The following AGAP1 variants were observed in gnomAD, a reference collection of about 807,000 sequenced individuals.
AGAP1 encodes the protein arf-GAP with GTPase, ANK repeat and PH domain-containing protein 1.
A neutral mutation model predicts 105.3 loss-of-function variants in AGAP1; 29 were observed. The ratio of observed to expected loss-of-function variants is 0.28; its 90% CI spans 0.21 to 0.38. The LOEUF (loss-of-function observed/expected upper bound fraction) is 0.38, where lower values mean the gene tolerates loss of function less well. AGAP1 is among the 10% of genes least tolerant of loss of function. The pLI is 1.00. For synonymous variants in AGAP1, 509 were observed against 485.9 expected (o/e 1.05, Z -0.63); for missense variants, 998 against 1,165.1 (o/e 0.86, Z 2.09).
chr2:235,954,052 A>G (rs2053847129), intron 12 of AGAP1, among the ~76,000 whole-genome samples: 1 of 152,044 alleles, frequency 6.6e-6, no homozygotes, highest in South Asian at 2.1e-4. Context: ...CAACATGGAG[A>G]AACCTTGTTT....
Position 235,728,967 on chromosome 2 carries a change from C to T in AGAP1, c.310+11323C>T, listed in dbSNP as rs1016758570. Among the ~76,000 whole-genome samples the T allele has an allele frequency of 2.6e-5, 4 of 151,464 alleles. No homozygotes were observed. Among genetic ancestry groups the T allele is most frequent in the Admixed American group, 1.3e-4 (2 of 15,250 alleles). On this transcript the variant is annotated intron_variant, in intron 3 of 17. Transcript: ENST00000304032. This position sits in a 1 kb window ranked among gnomAD's most constrained non-coding sequence, Gnocchi z 4.3. The stretch of plus-strand genomic sequence containing the variant: ...CCACACCATCTGGCAGGGGACCAGG[C>T]CAGCTGCTGTGTGGGTCTTCCATGT...
In AGAP1 at chr2:235,494,101, G is replaced by C. The variant is rs1289509756; in HGVS notation, c.-586G>C. The C allele has an allele frequency of 2.1e-5, 3 of 145,816 alleles. No homozygotes were observed. Among genetic ancestry groups the C allele is most frequent in the Non-Finnish European group, 3.1e-5 (2 of 65,428 alleles). The allele number at this position is 145,816 out of a possible 1,614,324, so 9.0% of individuals were successfully genotyped here. On this transcript the variant is annotated 5_prime_UTR_variant, in exon 1 of 18. Transcript: ENST00000304032. The stretch of plus-strand genomic sequence containing the variant: ...GCAGGCGGCGGGCGGCGCTCGGAGC[G>C]GGCTCCGCGGCTTGCAAGGCGCCTG...
chr2:235,959,140 C>T lies in AGAP1; in HGVS notation c.1484-9322C>T, dbSNP rs1228954193. Among the ~76,000 whole-genome samples, 2 of 152,170 alleles carry T rather than the reference C, an allele frequency of 1.3e-5. No individual in the cohort carries two copies. Among genetic ancestry groups the T allele is most frequent in the African/African-American group, 4.8e-5 (2 of 41,446 alleles). ...TTTGGCATGGCTTTTTTCTCTTAGC[C>T]TCTCCCCTCCCATACTTAACGCCGT... On this transcript the variant is annotated intron_variant, in intron 12 of 17. Coordinates refer to ENST00000304032, the MANE Select transcript of AGAP1 (RefSeq NM_001037131.3). This position sits in a 1 kb window ranked among gnomAD's most constrained non-coding sequence, Gnocchi z 7.3.
chr2:235,721,477 A>ATGTGTG lies in AGAP1; in HGVS notation c.310+3855_310+3860dup, dbSNP rs57069910. On this transcript the variant is annotated intron_variant, in intron 3 of 17. Transcript: ENST00000304032. This position sits in a 1 kb window ranked among gnomAD's most constrained non-coding sequence, Gnocchi z 4.5. ...TTGGATTGACAGATTCCTTAATATT[A>ATGTGTG]TGTGTGTGTGTGTGTGTGTGTGTGT... Among the ~76,000 whole-genome samples the ATGTGTG allele has an allele frequency of 0.013, 1,891 of 149,724 alleles. 35 individuals carry two copies. The highest frequency in any genetic ancestry group is 0.036 in the African/African-American group (1,458 of 40,752).
chr2:235,761,776 T>C (rs1315846560), intron 6 of AGAP1, among the ~76,000 whole-genome samples: 6 of 149,470 alleles, frequency 4.0e-5, no homozygotes, highest in Non-Finnish European at 7.4e-5. Context: ...TGTTTTCCAG[T>C]TATTTTGAAG....
At position 235,569,244 on chromosome 2, in the gene AGAP1, G is replaced by A. The variant is rs1484072760; in HGVS notation, c.163+74395G>A. ...GCAGGAGAATCGCTTGAACCCAGGA[G>A]GCGGAGGTTGTAGTGACCCAAGATC... On this transcript the variant is annotated intron_variant, in intron 1 of 17. Coordinates refer to ENST00000304032, the MANE Select transcript of AGAP1 (RefSeq NM_001037131.3). The surrounding 1 kb of genome is among the most constrained non-coding windows in gnomAD (Gnocchi z 5.9). Among the ~76,000 whole-genome samples the A allele has an allele frequency of 6.6e-6, 1 of 152,190 alleles. No homozygotes were observed. The highest frequency in any genetic ancestry group is 1.5e-5 in the Non-Finnish European group (1 of 68,044).
chr2:235,884,125 A>T lies in AGAP1; in HGVS notation c.1155+676A>T, dbSNP rs7426112. Reference sequence around the variant, plus strand: ...TTGGGGTGTTCTAGTTTCATAGCAAACCATTCCATAACTCTTACTTGATGC... The same window carrying T: ...TTGGGGTGTTCTAGTTTCATAGCAATCCATTCCATAACTCTTACTTGATGC... On this transcript the variant is annotated intron_variant, in intron 10 of 17. Coordinates refer to ENST00000304032, the MANE Select transcript of AGAP1 (RefSeq NM_001037131.3). 1.3e-4 allele frequency among the ~76,000 whole-genome samples: 19 copies of T among 151,798 alleles called. No homozygotes were observed. The South Asian group carries it at 1.7e-3, about 13-fold the overall frequency.
intron 13 of AGAP1, among the ~76,000 whole-genome samples, chr2:236,022,543 T>G (rs1019214744): frequency 6.6e-6 from 1 of 152,174 alleles, no homozygotes; most frequent in Non-Finnish European, 1.5e-5. Context: ...GTCTTTGTCT[T>G]TTATTTTTGG....
Position 235,556,410 on chromosome 2 carries a change from G to T in AGAP1, c.163+61561G>T, listed in dbSNP as rs538748684. ...TGACCCCAAGGCCCAGGCCAGTCTC[G>T]TCCAGGCTGCCCACACCTAGGTCTT... On this transcript the variant is annotated intron_variant, in intron 1 of 17. Coordinates refer to ENST00000304032, the MANE Select transcript of AGAP1 (RefSeq NM_001037131.3). The surrounding 1 kb of genome is among the most constrained non-coding windows in gnomAD (Gnocchi z 5.3). Among the ~76,000 whole-genome samples the T allele has an allele frequency of 2.0e-5, 3 of 152,340 alleles. No individual in the cohort carries two copies. Among genetic ancestry groups the T allele is most frequent in the African/African-American group, 7.2e-5 (3 of 41,578 alleles).
At chr2:236,099,883 T>TA (rs1316835346) in intron 16 of AGAP1, among the ~76,000 whole-genome samples, 1 of 151,832 alleles carries the variant, frequency 6.6e-6, no homozygotes, top group Non-Finnish European at 1.5e-5. Context: ...CTACTAAAAA[T>TA]ACAAAAATTA....
At chr2:235,966,982 A>AT (rs945566596) in intron 12 of AGAP1, among the ~76,000 whole-genome samples, 2 of 152,162 alleles carry the variant, frequency 1.3e-5, no homozygotes, top group African/African-American at 4.8e-5. Flanking sequence ...TTTTCAATTC[A>AT]TTTTGATTTC....
chr2:235,686,554 T>TACACACACAC (rs1315334928), intron 1 of AGAP1, among the ~76,000 whole-genome samples: 10 of 51,352 alleles, frequency 1.9e-4, no homozygotes, highest in African/African-American at 6.3e-4. Context: ...GAGATATATA[T>TACACACACAC]ATACACACAC....
At position 235,705,271 on chromosome 2, in the gene AGAP1, G is replaced by A. The variant is rs984898226; in HGVS notation, c.164-3908G>A. 2.4e-4 allele frequency among the ~76,000 whole-genome samples: 37 copies of A among 152,168 alleles called. No homozygotes were observed. Among genetic ancestry groups the A allele is most frequent in the African/African-American group, 8.0e-4 (33 of 41,446 alleles). Reference sequence around the variant, plus strand: ...TGGGATTACAGGCGTGAGCCACCACGCCTGGCCCAGACACTTCTGAGAACG... The same window carrying A: ...TGGGATTACAGGCGTGAGCCACCACACCTGGCCCAGACACTTCTGAGAACG... On this transcript the variant is annotated intron_variant, in intron 1 of 17. Coordinates refer to ENST00000304032, the MANE Select transcript of AGAP1 (RefSeq NM_001037131.3). The surrounding 1 kb of genome is among the most constrained non-coding windows in gnomAD (Gnocchi z 4.9).
In AGAP1 at chr2:236,074,528, T is replaced by C. The variant is rs73996517; in HGVS notation, c.2114+25247T>C. Among the ~76,000 whole-genome samples the C allele has an allele frequency of 8.3e-3, 1,261 of 152,278 alleles. 15 individuals are homozygous for C. The highest frequency in any genetic ancestry group is 0.028 in the African/African-American group (1,173 of 41,552). ...CATTCTAAACATTGAAAGAGTCCAT[T>C]TGCTCTTACGAGATAATAGTCTCCA... On this transcript the variant is annotated intron_variant, in intron 16 of 17. Coordinates refer to ENST00000304032, the MANE Select transcript of AGAP1 (RefSeq NM_001037131.3).
Position 236,036,264 on chromosome 2 carries a change from A to C in AGAP1, c.1646-297A>C, listed in dbSNP as rs919108659. ...CCATGAGTTACATGGTTATTCTCCTAAGTTGCTTTGTGTGTGCACCACACA... is the reference window on the plus strand; with the variant it reads ...CCATGAGTTACATGGTTATTCTCCTCAGTTGCTTTGTGTGTGCACCACACA... On this transcript the variant is annotated intron_variant, in intron 13 of 17. Coordinates refer to ENST00000304032, the MANE Select transcript of AGAP1 (RefSeq NM_001037131.3). This position sits in a 1 kb window ranked among gnomAD's most constrained non-coding sequence, Gnocchi z 5.7. 2.6e-5 allele frequency among the ~76,000 whole-genome samples: 4 copies of C among 152,222 alleles called. 1 individual carries two copies. The highest frequency in any genetic ancestry group is 6.5e-5 in the Admixed American group (1 of 15,300).
chr2:235,893,320 C>T lies in AGAP1; in HGVS notation c.1155+9871C>T, dbSNP rs1326995631. On this transcript the variant is annotated intron_variant, in intron 10 of 17. Transcript: ENST00000304032. This position sits in a 1 kb window ranked among gnomAD's most constrained non-coding sequence, Gnocchi z 4.7. Reference sequence around the variant, plus strand: ...TGTCTGTGGCGCAGGTGTGCCGTGTCTGTGGCATGGGTGTGGCTTGTCTGT... The same window carrying T: ...TGTCTGTGGCGCAGGTGTGCCGTGTTTGTGGCATGGGTGTGGCTTGTCTGT... 1.3e-5 allele frequency among the ~76,000 whole-genome samples: 2 copies of T among 150,582 alleles called. No individual in the cohort carries two copies. The highest frequency in any genetic ancestry group is 3.0e-5 in the Non-Finnish European group (2 of 67,624).
At chr2:235,929,300 G>A in intron 11 of AGAP1, among the ~76,000 whole-genome samples, 1 of 152,104 alleles carries the variant, frequency 6.6e-6, no homozygotes, top group South Asian at 2.1e-4. Flanking sequence ...GTGGGGCCTG[G>A]GATTCTGCAT....
rs985744331 is a variant in AGAP1 at position 235,927,579 on chromosome 2, A to G, written c.1325-3186A>G. 2.6e-5 allele frequency among the ~76,000 whole-genome samples: 4 copies of G among 152,120 alleles called. No homozygotes were observed. Among genetic ancestry groups the G allele is most frequent in the Admixed American group, 6.5e-5 (1 of 15,280 alleles). ...ACCTAAGATGAGTTCTTGATCAGCAACCTCCATTGGAACATTTCGTGGTCC... is the reference window on the plus strand; with the variant it reads ...ACCTAAGATGAGTTCTTGATCAGCAGCCTCCATTGGAACATTTCGTGGTCC... On this transcript the variant is annotated intron_variant, in intron 11 of 17. Transcript: ENST00000304032. The surrounding 1 kb of genome is among the most constrained non-coding windows in gnomAD (Gnocchi z 4.4).
Position 235,720,679 on chromosome 2 carries a change from A to G in AGAP1, c.310+3035A>G. 2 of 985,272 alleles carry G rather than the reference A, an allele frequency of 2.0e-6. No individual in the cohort carries two copies. Among genetic ancestry groups the G allele is most frequent in the African/African-American group, 1.7e-5 (1 of 57,292 alleles). 61.0% of individuals were successfully genotyped at this position (985,272 alleles called of 1,614,324 possible). A position where few individuals can be genotyped will look rare whatever the true frequency, so the allele number is the denominator to read the frequency against. The stretch of plus-strand genomic sequence containing the variant: ...TCCTTGGATTCTCCCTGCGCTTCTT[A>G]ATGTCTGTGCCCTGTTCTTCTGATT... On this transcript the variant is annotated intron_variant, in intron 3 of 17. Coordinates refer to ENST00000304032, the MANE Select transcript of AGAP1 (RefSeq NM_001037131.3). The surrounding 1 kb of genome is among the most constrained non-coding windows in gnomAD (Gnocchi z 5.0).
Sources: allele counts gnomAD v4.1 joint callset (sites outside exome capture counted in the v4.1 genomes callset), GRCh38; gene constraint gnomAD v4.1.1; non-coding constraint Gnocchi (gnomAD v3.1); transcripts MANE v1.5; gene names NCBI Gene and HGNC (gene_info 2026-07-23, HGNC 2026-07-21).